DENND4C: variants seen among roughly 807,000 people sequenced by gnomAD.
DENND4C encodes the protein DENN domain-containing protein 4C.
DENND4C carries 108 observed loss-of-function variants against 203.0 expected under a neutral mutation model. That is an observed-to-expected ratio of 0.53 (90% CI 0.46 to 0.62). The LOEUF (loss-of-function observed/expected upper bound fraction) is 0.62, where lower values mean the gene tolerates loss of function less well. DENND4C is among the 20% of genes least tolerant of loss of function. The probability of loss-of-function intolerance (pLI) is 0.00; values close to 1 mark genes in which losing one functional copy is unlikely to be tolerated. For missense variants in DENND4C, 2,481 were observed against 2,301.2 expected (o/e 1.08, Z -1.60); for synonymous variants, 871 against 792.4 (o/e 1.10, Z -1.67).
At chr9:19,304,751 T>C (rs554515123) in intron 9 of DENND4C, among the ~76,000 whole-genome samples, 1 of 148,912 alleles carries the variant, frequency 6.7e-6, no homozygotes, top group Non-Finnish European at 1.5e-5. Context: ...GGGTTTCACC[T>C]TGTTAGCCAG....
intron 26 of DENND4C, 37 bp downstream of exon 26, chr9:19,352,702 C>A: frequency 6.8e-7 from 1 of 1,461,760 alleles, no homozygotes; most frequent in Non-Finnish European, 9.1e-7. Context: ...AAGTAAGTAC[C>A]CTCAAAAAAC....
chr9:19,335,230 T>A, intron 18 of DENND4C, 125 bp downstream of exon 18: 3 of 512,016 alleles, frequency 5.9e-6, no homozygotes, highest in Non-Finnish European at 8.7e-6. Flanking sequence ...ATAATTTTTA[T>A]AATTATTAAA....
At chr9:19,258,749 GGTTCAGGA>G (rs1444669177) in intron 1 of DENND4C, among the ~76,000 whole-genome samples, 1 of 151,910 alleles carries the variant, frequency 6.6e-6, no homozygotes, top group Non-Finnish European at 1.5e-5. Context: ...CTGCCTTCTG[GGTTCAGGA>G]GATTCTCCTG....
At chr9:19,247,270 G>A (rs1430474080) in intron 1 of DENND4C, among the ~76,000 whole-genome samples, 1 of 151,956 alleles carries the variant, frequency 6.6e-6, no homozygotes, top group Non-Finnish European at 1.5e-5. Context: ...ATCAGTATTC[G>A]TCAGTTAGTA....
chr9:19,238,811 G>A (rs1444502980), intron 1 of DENND4C, among the ~76,000 whole-genome samples: 1 of 149,360 alleles, frequency 6.7e-6, no homozygotes, highest in Non-Finnish European at 1.5e-5. Flanking sequence ...GTGCCACCAC[G>A]TCCATCTAAT....
chr9:19,271,265 TC>T (rs1427514031), intron 1 of DENND4C, among the ~76,000 whole-genome samples: 2 of 147,328 alleles, frequency 1.4e-5, no homozygotes, highest in Non-Finnish European at 3.0e-5. Context: ...AGTGGCGCAA[TC>T]CTGGCTCACT....
At chr9:19,254,934 A>G (rs1310425753) in intron 1 of DENND4C, among the ~76,000 whole-genome samples, 1 of 152,028 alleles carries the variant, frequency 6.6e-6, no homozygotes, top group Non-Finnish European at 1.5e-5. Flanking sequence ...GGAGTTCAGG[A>G]CCAGCCTGGC....
At chr9:19,273,930 A>T (rs1280492772) in intron 1 of DENND4C, among the ~76,000 whole-genome samples, 1 of 152,042 alleles carries the variant, frequency 6.6e-6, no homozygotes, top group East Asian at 1.9e-4. Flanking sequence ...AAATGAAAGC[A>T]TTATGTCCAT....
intron 20 of DENND4C, among the ~76,000 whole-genome samples, chr9:19,337,261 T>C (rs1160884976): frequency 6.6e-6 from 1 of 152,208 alleles, no homozygotes; most frequent in Non-Finnish European, 1.5e-5. Flanking sequence ...AAGTTACATT[T>C]TTTAAGATCT....
At position 19,346,983 on chromosome 9, in the gene DENND4C, G is replaced by C; in HGVS notation, c.4214G>C (p.Gly1405Ala). ...SGLKLDNILSGPKIDVLKSGM... is the reference protein window; with the variant it reads ...SGLKLDNILSAPKIDVLKSGM... ...CTAAAGCTGGATAATATACTCTCAG[G>C]GCCCAAGATAGATGTCCTGAAATCT... The change falls in exon 23 of 33, where the codon GGG becomes GCG. Residue 1405 changes from glycine (G) to alanine (A), a missense_variant. Physicochemically the swap from Gly to Ala is moderately conservative, Grantham distance 60. Transcript: ENST00000434457. 1 of 1,614,088 alleles carries C rather than the reference G, an allele frequency of 6.2e-7. No individual in the cohort carries two copies. Among genetic ancestry groups the C allele is most frequent in the South Asian group, 1.1e-5 (1 of 91,076 alleles).
At chr9:19,260,486 C>A (rs1008108032) in intron 1 of DENND4C, among the ~76,000 whole-genome samples, 2 of 152,014 alleles carry the variant, frequency 1.3e-5, no homozygotes, top group African/African-American at 4.8e-5. Flanking sequence ...CAACCTCCAC[C>A]TCCTGGGTTC....
chr9:19,302,523 A>G (rs1027401822), intron 9 of DENND4C, among the ~76,000 whole-genome samples: 4 of 151,056 alleles, frequency 2.6e-5, no homozygotes, highest in Non-Finnish European at 4.4e-5. Context: ...ATAGTTGCAG[A>G]TGTAACATAC....
chr9:19,327,036 G>C (rs1236379889), intron 15 of DENND4C, among the ~76,000 whole-genome samples: 1 of 151,962 alleles, frequency 6.6e-6, no homozygotes, highest in East Asian at 1.9e-4. Context: ...CCAAAATAGA[G>C]AATTAATGTA....
chr9:19,255,635 C>CT (rs556417111), intron 1 of DENND4C, among the ~76,000 whole-genome samples: 259 of 152,046 alleles, frequency 1.7e-3, no homozygotes, highest in African/African-American at 5.9e-3. Context: ...TTTTTTAATG[C>CT]TTTTTTTATA....
chr9:19,352,465 A>G, intron 25 of DENND4C, 25 bp from the exon 26 acceptor site: 2 of 1,537,820 alleles, frequency 1.3e-6, no homozygotes, highest in East Asian at 2.3e-5. Flanking sequence ...AAACGTTCTC[A>G]GTGTCTGCAT....
At chr9:19,277,727 T>C (rs1420339148) in intron 2 of DENND4C, among the ~76,000 whole-genome samples, 1 of 152,192 alleles carries the variant, frequency 6.6e-6, no homozygotes, top group Non-Finnish European at 1.5e-5. Context: ...GCATCTTGTC[T>C]CATTCCTGAT....
chr9:19,340,689 A>G (rs1473082517), intron 20 of DENND4C, among the ~76,000 whole-genome samples: 1 of 152,206 alleles, frequency 6.6e-6, no homozygotes, highest in African/African-American at 2.4e-5. Context: ...CAGAGAAGTT[A>G]GCATTCTGTA....
chr9:19,264,453 C>G (rs776214196), intron 1 of DENND4C, among the ~76,000 whole-genome samples: 15 of 151,972 alleles, frequency 9.9e-5, no homozygotes, highest in Non-Finnish European at 2.1e-4. Flanking sequence ...ATTACAGGTG[C>G]CTGCCACCAT....
At chr9:19,254,273 G>T (rs1474812037) in intron 1 of DENND4C, among the ~76,000 whole-genome samples, 1 of 152,186 alleles carries the variant, frequency 6.6e-6, no homozygotes, top group African/African-American at 2.4e-5. Flanking sequence ...AGATTGAAGA[G>T]ATATCTGTAC....
Sources: gnomAD v4.1 joint callset for allele counts (sites outside exome capture counted in the v4.1 genomes callset) on GRCh38, gnomAD v4.1.1 for gene constraint, MANE v1.5 for transcripts, NCBI Gene and HGNC (gene_info 2026-07-23, HGNC 2026-07-21) for gene names.